Variants in PTPN14 observed in about 807,000 individuals in gnomAD.
PTPN14 encodes protein tyrosine phosphatase non-receptor type 14.
Under a neutral mutation model 126.8 loss-of-function variants are expected in PTPN14, and 53 were observed. The observed-to-expected ratio is 0.42, with a 90% CI of 0.34 to 0.53. PTPN14 has a LOEUF of 0.53. Ranked by LOEUF, PTPN14 falls within the 20% of genes least tolerant of loss-of-function variation. PTPN14 has a pLI of 0.08. For missense variants in PTPN14, 1,257 were observed against 1,552.9 expected (o/e 0.81, Z 3.20); for synonymous variants, 630 against 599.3 (o/e 1.05, Z -0.75).
chr1:214,372,885 A>T (rs1380433243), intron 15 of PTPN14, 46 bp from the exon 16 acceptor site: 1 of 1,607,766 alleles, frequency 6.2e-7, no homozygotes, highest in Non-Finnish European at 8.5e-7. Context: ...AAGTCCGGAC[A>T]ACATTACCTG....
At chr1:214,448,910 C>T (rs10494977) in intron 3 of PTPN14, among the ~76,000 whole-genome samples, 57,456 of 151,668 alleles carry the variant, frequency 0.38, 11,201 homozygotes, top group East Asian at 0.53. Flanking sequence ...TACTTAGACC[C>T]TAATTTTGTG....
chr1:214,454,682 A>G (rs1264542356), intron 2 of PTPN14, among the ~76,000 whole-genome samples: 1 of 152,188 alleles, frequency 6.6e-6, no homozygotes, highest in Non-Finnish European at 1.5e-5. Context: ...CTAAATAACA[A>G]AGTAAACCAC....
chr1:214,507,911 T>C (rs531074902), intron 1 of PTPN14, among the ~76,000 whole-genome samples: 3 of 152,240 alleles, frequency 2.0e-5, no homozygotes, highest in Admixed American at 1.3e-4. Context: ...AGCCCAGAAG[T>C]TCCAGGCTGC....
At position 214,361,644 on chromosome 1, in the gene PTPN14, T is replaced by C. The variant is rs183020760; in HGVS notation, c.3435+2868A>G. ...AGAAAAGCAGCAAGATCAAGACATC[T>C]GCCCTTTGGCTACTGAGATCCTGAC... On this transcript the variant is annotated intron_variant, in intron 18 of 18. Transcript: ENST00000366956. 3.3e-5 allele frequency among the ~76,000 whole-genome samples: 5 copies of C among 152,372 alleles called. No homozygotes were observed. In the East Asian group the frequency reaches 9.6e-4, roughly 29 times the overall value.
intron 3 of PTPN14, among the ~76,000 whole-genome samples, chr1:214,435,075 T>C (rs1165437478): frequency 6.6e-6 from 1 of 152,188 alleles, no homozygotes; most frequent in Non-Finnish European, 1.5e-5. Context: ...AGGCTGCGGG[T>C]TGCACAAACT....
At chr1:214,365,992 C>T (rs967434928) in intron 17 of PTPN14, among the ~76,000 whole-genome samples, 4 of 152,254 alleles carry the variant, frequency 2.6e-5, no homozygotes, top group Admixed American at 2.6e-4. Context: ...TGATGAAACC[C>T]TGTCTCTACT....
At chr1:214,513,628 G>A (rs765323130) in intron 1 of PTPN14, among the ~76,000 whole-genome samples, 1 of 152,058 alleles carries the variant, frequency 6.6e-6, no homozygotes, top group African/African-American at 2.4e-5. Context: ...TAGGCATTTG[G>A]ATTTTTAACC....
intron 14 of PTPN14, among the ~76,000 whole-genome samples, chr1:214,377,746 C>T (rs572140568): frequency 6.6e-6 from 1 of 151,978 alleles, no homozygotes. Flanking sequence ...CAATGATCTG[C>T]CAACCGGACA....
chr1:214,468,768 T>C (rs1241155780), intron 1 of PTPN14, among the ~76,000 whole-genome samples: 1 of 152,188 alleles, frequency 6.6e-6, no homozygotes, highest in South Asian at 2.1e-4. Flanking sequence ...TCAATGCCGA[T>C]AGTAAACATG....
At chr1:214,362,014 A>G (rs1657967778) in intron 18 of PTPN14, among the ~76,000 whole-genome samples, 1 of 152,252 alleles carries the variant, frequency 6.6e-6, no homozygotes, top group Admixed American at 6.5e-5. Context: ...AGACTAAAAT[A>G]TAAAGTATGC....
intron 2 of PTPN14, among the ~76,000 whole-genome samples, chr1:214,461,635 GA>G (rs10579217): frequency 0.092 from 663 of 7,172 alleles, 4 homozygotes; most frequent in African/African-American, 0.35. Flanking sequence ...GTCTCAACTG[GA>G]AAAAAAAAAA....
intron 1 of PTPN14, among the ~76,000 whole-genome samples, chr1:214,514,171 C>T (rs1011043317): frequency 7.9e-5 from 12 of 152,018 alleles, no homozygotes; most frequent in East Asian, 1.9e-4. Flanking sequence ...TCCAGAGCAG[C>T]GGGCAGAGTC....
At chr1:214,501,782 A>G (rs1255918885) in intron 1 of PTPN14, among the ~76,000 whole-genome samples, 1 of 151,976 alleles carries the variant, frequency 6.6e-6, no homozygotes, top group Non-Finnish European at 1.5e-5. Context: ...TTTTTAGGCC[A>G]GGTGCAGTGG....
At chr1:214,510,710 T>C (rs1175833270) in intron 1 of PTPN14, among the ~76,000 whole-genome samples, 1 of 152,180 alleles carries the variant, frequency 6.6e-6, no homozygotes, top group Non-Finnish European at 1.5e-5. Flanking sequence ...ATCCCTCTAC[T>C]TTGGACACAT....
chr1:214,448,269 C>T (rs1345491813), intron 3 of PTPN14, among the ~76,000 whole-genome samples: 1 of 152,138 alleles, frequency 6.6e-6, no homozygotes, highest in Non-Finnish European at 1.5e-5. Flanking sequence ...CTCGCTCTGT[C>T]GCCCAGGCTG....
intron 13 of PTPN14, among the ~76,000 whole-genome samples, chr1:214,382,732 T>C (rs1658503094): frequency 1.3e-5 from 2 of 152,256 alleles, no homozygotes; most frequent in South Asian, 4.1e-4. Context: ...CACGTATGTG[T>C]GTGAATTTTT....
At chr1:214,373,165 C>T (rs1658259437) in intron 15 of PTPN14, among the ~76,000 whole-genome samples, 1 of 152,200 alleles carries the variant, frequency 6.6e-6, no homozygotes, top group African/African-American at 2.4e-5. Context: ...AGCAATTCTC[C>T]CGTCTCAGAA....
chr1:214,506,607 T>C (rs2102438204), intron 1 of PTPN14, among the ~76,000 whole-genome samples: 1 of 152,274 alleles, frequency 6.6e-6, no homozygotes. Context: ...AAACCTTTAA[T>C]TGGATGTGAC....
chr1:214,441,072 A>G (rs1172711666), intron 3 of PTPN14, among the ~76,000 whole-genome samples: 1 of 152,206 alleles, frequency 6.6e-6, no homozygotes, highest in Admixed American at 6.5e-5. Context: ...GAACGGATGT[A>G]TTTCTCTGGC....
Sources: allele counts gnomAD v4.1 joint callset (sites outside exome capture counted in the v4.1 genomes callset), GRCh38; gene constraint gnomAD v4.1.1; transcripts MANE v1.5; gene names NCBI Gene and HGNC (gene_info 2026-07-23, HGNC 2026-07-21).